Variants in VAT1L observed in about 807,000 individuals in gnomAD.
VAT1L encodes vesicle amine transport 1 like, also known as putative NADPH-dependent quinone oxidoreductase VAT1L.
Under a neutral mutation model 44.1 loss-of-function variants are expected in VAT1L, and 34 were observed. That is an observed-to-expected ratio of 0.77 (90% CI 0.59 to 1.03). VAT1L has a LOEUF of 1.03. VAT1L is among the 50% of genes least tolerant of loss of function. VAT1L has a pLI of 0.00. For synonymous variants in VAT1L, 253 were observed against 202.2 expected, an observed-to-expected ratio of 1.25 and a Z score of -2.13; for missense variants, 615 against 538.8, an observed-to-expected ratio of 1.14 and a Z score of -1.40.
At chr16:77,867,764 C>A (rs992140236) in intron 4 of VAT1L, among the ~76,000 whole-genome samples, 1 of 151,312 alleles carries the variant, frequency 6.6e-6, no homozygotes, top group Admixed American at 6.6e-5. Context: ...GTGGCTGAGA[C>A]AGGAGAATTG....
intron 7 of VAT1L, among the ~76,000 whole-genome samples, chr16:77,963,269 G>A (rs1481788838): frequency 1.3e-5 from 2 of 152,160 alleles, no homozygotes; most frequent in Non-Finnish European, 1.5e-5. Flanking sequence ...TGGGGATGGG[G>A]AGATCCTCCT....
intron 3 of VAT1L, among the ~76,000 whole-genome samples, chr16:77,827,320 A>T (rs2016533369): frequency 6.6e-6 from 1 of 152,162 alleles, no homozygotes; most frequent in Non-Finnish European, 1.5e-5. Flanking sequence ...ATGACGCTGG[A>T]CTCAGTTCTG....
At chr16:77,945,495 G>C (rs996497020) in intron 7 of VAT1L, among the ~76,000 whole-genome samples, 2 of 151,768 alleles carry the variant, frequency 1.3e-5, no homozygotes, top group Admixed American at 6.6e-5. Context: ...TTACTGTGTT[G>C]CCAAAGCTGG....
At chr16:77,830,925 CT>C (rs1430290843) in intron 3 of VAT1L, among the ~76,000 whole-genome samples, 1 of 152,228 alleles carries the variant, frequency 6.6e-6, no homozygotes, top group African/African-American at 2.4e-5. Context: ...CTCAGGTGAT[CT>C]GCCCGCCTCG....
intron 7 of VAT1L, among the ~76,000 whole-genome samples, chr16:77,912,977 C>G (rs2017514443): frequency 6.6e-6 from 1 of 152,084 alleles, no homozygotes. Context: ...ATTACTTTAT[C>G]TAAACTTAAC....
In VAT1L at chr16:77,951,509, G is replaced by A. The variant is rs564744785; in HGVS notation, c.1078-20341G>A. On this transcript the variant is annotated intron_variant, in intron 7 of 8. Transcript: ENST00000302536. The stretch of plus-strand genomic sequence containing the variant: ...TGCAGTGAGCCGAGATTGCGCCACC[G>A]CACTCCAGCCAGGGCAATGGAGTGA... 5.3e-5 allele frequency among the ~76,000 whole-genome samples: 8 copies of A among 152,272 alleles called. No individual in the cohort carries two copies. In the South Asian group the frequency reaches 8.3e-4, roughly 16 times the overall value.
At chr16:77,954,507 C>G (rs908210456) in intron 7 of VAT1L, among the ~76,000 whole-genome samples, 1 of 152,150 alleles carries the variant, frequency 6.6e-6, no homozygotes, top group Non-Finnish European at 1.5e-5. Flanking sequence ...TGCCTGTAAT[C>G]CCAGCTACTC....
chr16:77,878,329 A>G (rs1306104621), intron 5 of VAT1L, among the ~76,000 whole-genome samples: 1 of 152,196 alleles, frequency 6.6e-6, no homozygotes, highest in East Asian at 1.9e-4. Context: ...AATACACATG[A>G]CTATTTTATT....
intron 7 of VAT1L, among the ~76,000 whole-genome samples, chr16:77,960,272 T>C (rs1363920856): frequency 6.6e-6 from 1 of 152,130 alleles, no homozygotes; most frequent in Non-Finnish European, 1.5e-5. Context: ...ACACACTCAG[T>C]GTATTTGTTG....
chr16:77,905,445 A>G (rs75969360), intron 7 of VAT1L, among the ~76,000 whole-genome samples: 12,062 of 152,156 alleles, frequency 0.079, 623 homozygotes, highest in South Asian at 0.17. Context: ...AGTTCCCTGA[A>G]GGCACCTTCT....
intron 2 of VAT1L, among the ~76,000 whole-genome samples, chr16:77,824,139 G>T (rs1447237911): frequency 2.0e-5 from 3 of 152,238 alleles, no homozygotes; most frequent in Non-Finnish European, 4.4e-5. Context: ...AAGTCCTAAA[G>T]GAAGGACAGA....
At chr16:77,880,285 T>C (rs1434510502) in intron 6 of VAT1L, among the ~76,000 whole-genome samples, 2 of 151,990 alleles carry the variant, frequency 1.3e-5, no homozygotes, top group Non-Finnish European at 2.9e-5. Flanking sequence ...GCCTCCCAAG[T>C]AGCTGGGATT....
In VAT1L at chr16:77,817,021, G is replaced by T; in HGVS notation, c.334G>T (p.Ala112Ser). 1 of 1,614,024 alleles carries T rather than the reference G, an allele frequency of 6.2e-7. No homozygotes were observed. Among genetic ancestry groups the T allele is most frequent in the Non-Finnish European group, 8.5e-7 (1 of 1,179,948 alleles). Residue 112 changes from alanine (A) to serine (S), a missense_variant, in exon 2 of 9, where the codon GCT (alanine) becomes TCT (serine). By Grantham distance (99) the Ala-to-Ser change is moderately conservative. Transcript: ENST00000302536. Reference sequence around the variant, plus strand: ...ATTTGAGTGTTCTGGGATTGTTGAAGCTCTGGGGGACAGCGTGAAAGGATA... The same window carrying T: ...ATTTGAGTGTTCTGGGATTGTTGAATCTCTGGGGGACAGCGTGAAAGGATA... ...PGFECSGIVE[A>S]LGDSVKGYEI...
At chr16:77,933,400 A>G (rs2017754369) in intron 7 of VAT1L, among the ~76,000 whole-genome samples, 1 of 152,246 alleles carries the variant, frequency 6.6e-6, no homozygotes, top group Admixed American at 6.5e-5. Flanking sequence ...CCATTCATTC[A>G]TTTGAATATT....
intron 3 of VAT1L, among the ~76,000 whole-genome samples, chr16:77,856,017 CA>C (rs1452979038): frequency 7.3e-6 from 1 of 137,320 alleles, no homozygotes; most frequent in Non-Finnish European, 1.6e-5. Flanking sequence ...TCCGTCAAAA[CA>C]AACAAACAAA....
chr16:77,857,715 A>T (rs968284645), intron 3 of VAT1L, among the ~76,000 whole-genome samples: 2 of 150,254 alleles, frequency 1.3e-5, no homozygotes, highest in South Asian at 4.2e-4. Context: ...GGCTATATAT[A>T]TTAATTGTAC....
At chr16:77,976,476 G>C (rs1053435495) in intron 8 of VAT1L, among the ~76,000 whole-genome samples, 3 of 152,162 alleles carry the variant, frequency 2.0e-5, no homozygotes, top group African/African-American at 7.2e-5. Context: ...CCCAGCTTCA[G>C]GTGAGACAAC....
At chr16:77,951,631 G>C (rs1184226765) in intron 7 of VAT1L, among the ~76,000 whole-genome samples, 1 of 152,138 alleles carries the variant, frequency 6.6e-6, no homozygotes, top group Non-Finnish European at 1.5e-5. Context: ...TGCCTGGGAT[G>C]CAGAGTTGGG....
chr16:77,973,590 T>C (rs392432), intron 8 of VAT1L, among the ~76,000 whole-genome samples: 151,980 of 151,986 alleles, frequency 1, 75,987 homozygotes, highest in Middle Eastern at 1. Context: ...GCCCCCAGGT[T>C]ATCTTTAACA....
Sources: allele counts gnomAD v4.1 joint callset (sites outside exome capture counted in the v4.1 genomes callset), GRCh38; gene constraint gnomAD v4.1.1; transcripts MANE v1.5; gene names NCBI Gene and HGNC (gene_info 2026-07-23, HGNC 2026-07-21).